Variants in ATG13 observed in about 807,000 individuals in gnomAD.
ATG13 encodes the protein autophagy-related protein 13.
Under a neutral mutation model 65.5 loss-of-function variants are expected in ATG13, and 23 were observed. The ratio of observed to expected loss-of-function variants is 0.35; its 90% CI spans 0.25 to 0.50. ATG13 has a LOEUF of 0.50. Among genes scored for constraint, ATG13 ranks in the 20% least tolerant of loss-of-function variants. The pLI, the probability that ATG13 is intolerant of heterozygous loss-of-function variation, is 0.98. For synonymous variants in ATG13, 252 were observed against 245.2 expected, an observed-to-expected ratio of 1.03 and a Z score of -0.26; for missense variants, 566 against 677.0, an observed-to-expected ratio of 0.84 and a Z score of 1.82.
intron 2 of ATG13, among the ~76,000 whole-genome samples, chr11:46,639,308 T>A (rs1426196704): frequency 6.6e-6 from 1 of 152,098 alleles, no homozygotes; most frequent in Admixed American, 6.6e-5. Flanking sequence ...TTATCTTCGT[T>A]GATAGACATT....
At chr11:46,628,962 A>T (rs2050696014) in intron 1 of ATG13, among the ~76,000 whole-genome samples, 2 of 145,456 alleles carry the variant, frequency 1.4e-5, no homozygotes, top group South Asian at 4.3e-4. Flanking sequence ...TTGGAGACGG[A>T]GTCTCACTGT....
chr11:46,667,375 CAAATT>C (rs1045496023), intron 14 of ATG13, among the ~76,000 whole-genome samples: 1 of 152,054 alleles, frequency 6.6e-6, no homozygotes, highest in African/African-American at 2.4e-5. Context: ...TGGGAACAGC[CAAATT>C]AAATATGTCA....
intron 3 of ATG13, among the ~76,000 whole-genome samples, chr11:46,644,613 C>T (rs897664094): frequency 2.7e-5 from 4 of 150,202 alleles, no homozygotes; most frequent in African/African-American, 4.9e-5. Context: ...AGTCTGTTTG[C>T]AGAAATGTCA....
At chr11:46,658,674 T>TA (rs1484958265) in intron 10 of ATG13, among the ~76,000 whole-genome samples, 2 of 152,054 alleles carry the variant, frequency 1.3e-5, no homozygotes, top group African/African-American at 4.8e-5. Flanking sequence ...TAGCTGGGGT[T>TA]ACAGGCATGC....
intron 2 of ATG13, among the ~76,000 whole-genome samples, chr11:46,631,586 G>A (rs189560001): frequency 1.1e-4 from 16 of 152,280 alleles, no homozygotes; most frequent in Non-Finnish European, 1.9e-4. Flanking sequence ...AGTCTGGTCT[G>A]GGTGCCATGG....
At chr11:46,654,431 G>A (rs1216918010) in intron 7 of ATG13, among the ~76,000 whole-genome samples, 1 of 141,404 alleles carries the variant, frequency 7.1e-6, no homozygotes, top group Non-Finnish European at 1.5e-5. Context: ...AGAATAATTT[G>A]AGGCCAGGAC....
chr11:46,626,488 G>A (rs2049692290), intron 1 of ATG13, among the ~76,000 whole-genome samples: 1 of 152,148 alleles, frequency 6.6e-6, no homozygotes, highest in African/African-American at 2.4e-5. Context: ...GACCTCAGGT[G>A]ATCCGTCCGC....
At chr11:46,647,826 G>A (rs1291980333) in intron 5 of ATG13, among the ~76,000 whole-genome samples, 2 of 150,452 alleles carry the variant, frequency 1.3e-5, no homozygotes, top group Non-Finnish European at 3.0e-5. Context: ...GCTCACTGCA[G>A]CTTCAAACTC....
rs770231048 is a variant in ATG13 at position 46,672,990 on chromosome 11, T to C, written c.*658T>C. 8 of 296,042 alleles carry C rather than the reference T, an allele frequency of 2.7e-5. No homozygotes were observed. The highest frequency in any genetic ancestry group is 4.4e-5 in the African/African-American group (2 of 45,236). The allele number at this position is 296,042 out of a possible 1,614,324, so 18.3% of individuals were successfully genotyped here. A position where few individuals can be genotyped will look rare whatever the true frequency, so the allele number is the denominator to read the frequency against. ...GGTCTGAGCAGCCCTGGTGGCTGCC[T>C]GTGCTCAGGTCCTCAGCTCCATGGG... On this transcript the variant is annotated 3_prime_UTR_variant, in exon 19 of 19. Coordinates refer to ENST00000683050, the MANE Select transcript of ATG13 (RefSeq NM_001346311.2).
intron 2 of ATG13, among the ~76,000 whole-genome samples, chr11:46,634,765 G>A (rs889351621): frequency 2.5e-4 from 38 of 151,728 alleles, no homozygotes; most frequent in Admixed American, 2.4e-3. Context: ...GCAGTGGCAC[G>A]ATCTCGGCTC....
intron 8 of ATG13, 113 bp from the exon 9 acceptor site, chr11:46,656,982 A>G (rs2060178008): frequency 2.4e-6 from 2 of 849,896 alleles, no homozygotes; most frequent in Non-Finnish European, 4.0e-6. Context: ...TTAACATGCT[A>G]AGTGGATAAT....
chr11:46,662,982 C>T (rs561517665), intron 11 of ATG13, among the ~76,000 whole-genome samples: 1 of 152,028 alleles, frequency 6.6e-6, no homozygotes, highest in Admixed American at 6.6e-5. Flanking sequence ...AAAACTGGAA[C>T]AGTCCAGGCG....
chr11:46,663,041 G>A (rs375683707), intron 11 of ATG13, among the ~76,000 whole-genome samples: 5 of 152,130 alleles, frequency 3.3e-5, no homozygotes, highest in South Asian at 4.1e-4. Context: ...CGAGGTGGGC[G>A]GATCACGAGG....
At chr11:46,670,026 C>A (rs1162224324) in intron 18 of ATG13, among the ~76,000 whole-genome samples, 1 of 152,154 alleles carries the variant, frequency 6.6e-6, no homozygotes, top group Non-Finnish European at 1.5e-5. Context: ...CCTCTTCCTG[C>A]CTCTGAGGGG....
At chr11:46,638,805 T>C (rs1467444377) in intron 2 of ATG13, among the ~76,000 whole-genome samples, 1 of 151,970 alleles carries the variant, frequency 6.6e-6, no homozygotes, top group Non-Finnish European at 1.5e-5. Context: ...ATATTCCTCT[T>C]TTTTTGTTTG....
rs141286667 is a variant in ATG13, at chr11:46,659,419, A to G, written c.723A>G (p.Ile241Met). 8.1e-6 allele frequency: 13 copies of G among 1,613,958 alleles called. No homozygotes were observed. The highest frequency in any genetic ancestry group is 1.3e-5 in the African/African-American group (1 of 75,022). Residue 241 changes from isoleucine (I) to methionine (M), a missense_variant, in exon 11 of 19, where the codon ATA (isoleucine) becomes ATG (methionine). By Grantham distance (10) the Ile-to-Met change is conservative. Around this residue, in one of 2 missense-constraint regions of ATG13, gnomAD observed 387 missense variants for 409.8 expected, o/e 0.94. Coordinates refer to ENST00000683050, the MANE Select transcript of ATG13 (RefSeq NM_001346311.2). ...YRTAGEDTGVIYPSVEDSQEV... is the reference protein window; with the variant it reads ...YRTAGEDTGVMYPSVEDSQEV... ...CTGCTGGTGAGGACACTGGAGTAAT[A>G]TACCCGTCTGTAGAAGACTCTCAAG...
chr11:46,657,858 A>G (rs2060347160), intron 10 of ATG13, among the ~76,000 whole-genome samples: 1 of 152,156 alleles, frequency 6.6e-6, no homozygotes, highest in Non-Finnish European at 1.5e-5. Flanking sequence ...GATATTTTGG[A>G]TCTTGATGTT....
chr11:46,647,749 A>C (rs2058004735), intron 5 of ATG13, among the ~76,000 whole-genome samples: 2 of 151,494 alleles, frequency 1.3e-5, no homozygotes, highest in South Asian at 4.2e-4. Flanking sequence ...TGTTTAAAAA[A>C]AAAAAAAAAT....
intron 11 of ATG13, among the ~76,000 whole-genome samples, chr11:46,663,316 A>G (rs2061575710): frequency 6.6e-6 from 1 of 151,266 alleles, no homozygotes; most frequent in Non-Finnish European, 1.5e-5. Flanking sequence ...AATAATCATC[A>G]TGACCATAAT....
Sources: gnomAD v4.1 joint callset for allele counts (sites outside exome capture counted in the v4.1 genomes callset) on GRCh38, gnomAD v4.1.1 for gene constraint, gnomAD v4.1.1 regional missense constraint, MANE v1.5 for transcripts, NCBI Gene and HGNC (gene_info 2026-07-23, HGNC 2026-07-21) for gene names.